Variants in PSME4 observed in about 807,000 individuals in gnomAD.
PSME4 encodes the protein proteasome activator complex subunit 4.
In PSME4, 89 loss-of-function variants were observed where a neutral mutation model predicts 253.9. The ratio of observed to expected loss-of-function variants is 0.35; its 90% CI spans 0.30 to 0.42. PSME4 has a LOEUF of 0.42. Among genes scored for constraint, PSME4 ranks in the 10% least tolerant of loss-of-function variants. PSME4 has a pLI of 1.00. For missense variants in PSME4, 2,014 were observed against 2,195.2 expected, an observed-to-expected ratio of 0.92 and a Z score of 1.65; for synonymous variants, 851 against 759.2, an observed-to-expected ratio of 1.12 and a Z score of -1.99.
chr2:53,924,870 A>G (rs1668491461), intron 14 of PSME4, among the ~76,000 whole-genome samples: 1 of 152,242 alleles, frequency 6.6e-6, no homozygotes, highest in African/African-American at 2.4e-5. Context: ...GGGGAAATAC[A>G]GGATTATGTT....
At chr2:53,933,402 A>AAAAAAAAAAAAAAG (rs1668946691) in intron 8 of PSME4, among the ~76,000 whole-genome samples, 1 of 137,064 alleles carries the variant, frequency 7.3e-6, no homozygotes, top group African/African-American at 2.6e-5. Context: ...AAAAAAAAAA[A>AAAAAAAAAAAAAAG]AGCGTTTCCC....
At chr2:53,930,013 G>A (rs1383719149) in intron 10 of PSME4, among the ~76,000 whole-genome samples, 1 of 151,702 alleles carries the variant, frequency 6.6e-6, no homozygotes, top group African/African-American at 2.4e-5. Context: ...GCAAGAGTCT[G>A]TCTCTAAATA....
At chr2:53,942,621 CAAA>C (rs1669504634) in intron 3 of PSME4, among the ~76,000 whole-genome samples, 2 of 151,898 alleles carry the variant, frequency 1.3e-5, no homozygotes, top group Non-Finnish European at 2.9e-5. Flanking sequence ...AAAGCTGTTA[CAAA>C]AATTAAATGA....
chr2:53,905,156 T>C (rs957886600), intron 26 of PSME4, among the ~76,000 whole-genome samples: 21 of 150,930 alleles, frequency 1.4e-4, no homozygotes, highest in African/African-American at 5.1e-4. Flanking sequence ...TTAGCCTCCG[T>C]GTAGCTGGGA....
intron 32 of PSME4, among the ~76,000 whole-genome samples, 185 bp from the exon 33 acceptor site, chr2:53,895,921 A>C (rs2104430180): frequency 6.6e-6 from 1 of 152,332 alleles, no homozygotes. Flanking sequence ...GGCATTATCT[A>C]CTAAATTGTG....
At chr2:53,932,129 G>A (rs1668860383) in intron 9 of PSME4, 29 bp from the exon 10 acceptor site, 4 of 1,601,940 alleles carry the variant, frequency 2.5e-6, no homozygotes, top group South Asian at 1.1e-5. Context: ...AAAGTTCTAA[G>A]TAGGTTCTAC....
chr2:53,903,997 A>C, intron 27 of PSME4, 28 bp downstream of exon 27: 1 of 1,559,862 alleles, frequency 6.4e-7, no homozygotes, highest in South Asian at 1.2e-5. Context: ...GAAAATGTTT[A>C]CAGTAAAATA....
intron 1 of PSME4, 21 bp from the exon 2 acceptor site, chr2:53,949,304 T>C (rs764099730): frequency 2.7e-6 from 4 of 1,484,238 alleles, no homozygotes; most frequent in African/African-American, 1.4e-5. Context: ...AAAATAGATA[T>C]ACCCTTTAAA....
chr2:53,943,692 A>T (rs1669563439), intron 3 of PSME4, among the ~76,000 whole-genome samples: 2 of 152,024 alleles, frequency 1.3e-5, no homozygotes, highest in South Asian at 4.1e-4. Context: ...AATACAAAAA[A>T]TTAGCTGGGT....
Position 53,904,165 on chromosome 2 carries a change from A to T in PSME4, c.2944-9T>A. ...TGAGCCTTATTTCTCACCTGGAGGAAGTATTATTAACAAAGGACTTTTATT... is the reference window on the plus strand; with the variant it reads ...TGAGCCTTATTTCTCACCTGGAGGATGTATTATTAACAAAGGACTTTTATT... On this transcript the variant is annotated splice_polypyrimidine_tract_variant and intron_variant, in intron 26 of 46. Coordinates refer to ENST00000404125, the MANE Select transcript of PSME4 (RefSeq NM_014614.3). 1 of 1,605,472 alleles carries T rather than the reference A, an allele frequency of 6.2e-7. No individual in the cohort carries two copies. Among genetic ancestry groups the T allele is most frequent in the Non-Finnish European group, 8.5e-7 (1 of 1,175,180 alleles).
intron 1 of PSME4, among the ~76,000 whole-genome samples, chr2:53,966,614 G>A (rs1010288497): frequency 2.0e-5 from 3 of 151,962 alleles, no homozygotes; most frequent in East Asian, 1.9e-4. Flanking sequence ...TACACCTCAC[G>A]TACAGATAAC....
At chr2:53,970,495 C>T (rs1328387875) in intron 1 of PSME4, 48 bp downstream of exon 1, 3 of 1,547,384 alleles carry the variant, frequency 1.9e-6, no homozygotes, top group Admixed American at 2.0e-5. Flanking sequence ...CGACACCTCT[C>T]ACTGAGCCTT....
chr2:53,969,518 G>C (rs567101277), intron 1 of PSME4, among the ~76,000 whole-genome samples: 1 of 152,054 alleles, frequency 6.6e-6, no homozygotes, highest in Admixed American at 6.6e-5. Flanking sequence ...TGTCTTGTGT[G>C]TTCACCCGTC....
chr2:53,940,982 T>TAATAC (rs1558414087), intron 3 of PSME4, among the ~76,000 whole-genome samples: 2 of 79,808 alleles, frequency 2.5e-5, no homozygotes. Context: ...TATATATATA[T>TAATAC]ATATATATAT....
At chr2:53,962,211 A>G (rs1189477274) in intron 1 of PSME4, among the ~76,000 whole-genome samples, 1 of 152,216 alleles carries the variant, frequency 6.6e-6, no homozygotes, top group Non-Finnish European at 1.5e-5. Flanking sequence ...TTTGCTTGTA[A>G]GAGAAGTTAC....
intron 1 of PSME4, among the ~76,000 whole-genome samples, chr2:53,949,844 T>C (rs938753847): frequency 6.6e-6 from 1 of 152,228 alleles, no homozygotes; most frequent in Non-Finnish European, 1.5e-5. Flanking sequence ...AGTTAAAAAT[T>C]AAGATAAACT....
chr2:53,945,863 A>G (rs891180980), intron 3 of PSME4, among the ~76,000 whole-genome samples: 4 of 152,258 alleles, frequency 2.6e-5, no homozygotes, highest in Admixed American at 1.3e-4. Context: ...AGTGTAGGTA[A>G]TGAGTATAGG....
intron 42 of PSME4, 81 bp from the exon 43 acceptor site, chr2:53,874,575 C>T: frequency 7.8e-7 from 1 of 1,278,554 alleles, no homozygotes. Context: ...TACACACAAA[C>T]AATGTAATAT....
chr2:53,927,562 T>TTGGGGTAATTTATTG, intron 11 of PSME4, 79 bp from the exon 12 acceptor site: 1 of 991,958 alleles, frequency 1.0e-6, no homozygotes, highest in Non-Finnish European at 1.6e-6. Flanking sequence ...CTACAATAAA[T>TTGGGGTAATTTATTG]TACCCCAATA....
Sources: allele counts gnomAD v4.1 joint callset (sites outside exome capture counted in the v4.1 genomes callset), GRCh38; gene constraint gnomAD v4.1.1; transcripts MANE v1.5; gene names NCBI Gene and HGNC (gene_info 2026-07-23, HGNC 2026-07-21).